The following EP400 variants were observed in gnomAD, a reference collection of about 807,000 sequenced individuals.
The protein encoded by EP400 is E1A binding protein p400.
Under a neutral mutation model 354.1 loss-of-function variants are expected in EP400, and 105 were observed. That is an observed-to-expected ratio of 0.30 (90% CI 0.25 to 0.35). The LOEUF (loss-of-function observed/expected upper bound fraction) is 0.35. Ranked by LOEUF, EP400 falls within the 10% of genes least tolerant of loss-of-function variation. The pLI is 1.00. For synonymous variants in EP400, 1,646 were observed against 1,716.9 expected (o/e 0.96, Z 1.02); for missense variants, 3,280 against 4,121.0 (o/e 0.80, Z 5.59).
chr12:131,984,848 G>A (rs533494229), intron 5 of EP400, among the ~76,000 whole-genome samples: 12 of 150,620 alleles, frequency 8.0e-5, no homozygotes, highest in Non-Finnish European at 1.3e-4. Flanking sequence ...ACAGGCATGC[G>A]CCACCACGCC....
rs529265285 is a variant in EP400, at chr12:132,070,982, G to T, written c.9021+1341G>T. Among the ~76,000 whole-genome samples the T allele has an allele frequency of 6.6e-6, 1 of 152,250 alleles. No homozygotes were observed. Among genetic ancestry groups the T allele is most frequent in the African/African-American group, 2.4e-5 (1 of 41,526 alleles). On this transcript the variant is annotated intron_variant, in intron 51 of 52. Coordinates refer to ENST00000389561, the MANE Select transcript of EP400 (RefSeq NM_015409.5). The surrounding 1 kb of genome is among the most constrained non-coding windows in gnomAD (Gnocchi z 4.1). Reference sequence around the variant, plus strand: ...TGTTGCATTTCCTTCGTATACAGTTGTATCACCTGTAAATCATGACGATCT... The same window carrying T: ...TGTTGCATTTCCTTCGTATACAGTTTTATCACCTGTAAATCATGACGATCT...
intron 2 of EP400, among the ~76,000 whole-genome samples, chr12:131,977,670 C>G (rs910660515): frequency 6.6e-6 from 1 of 152,102 alleles, no homozygotes; most frequent in Admixed American, 6.6e-5. Context: ...TCAAAACATT[C>G]TTTCCTTTCT....
chr12:132,073,910 T>G (rs1280861247), intron 51 of EP400, among the ~76,000 whole-genome samples: 2 of 148,222 alleles, frequency 1.3e-5, no homozygotes, highest in East Asian at 3.9e-4. Flanking sequence ...ATTGGCATTG[T>G]TTTTTGGGGT....
intron 30 of EP400, among the ~76,000 whole-genome samples, chr12:132,033,850 A>T (rs1036434147): frequency 6.6e-6 from 1 of 152,224 alleles, no homozygotes; most frequent in Admixed American, 6.5e-5. Context: ...GTTTTTTAAC[A>T]AGATGGTTGG....
At position 131,990,700 on chromosome 12, in the gene EP400, A is replaced by G; in HGVS notation, c.2615A>G (p.Lys872Arg). The G allele has an allele frequency of 6.2e-7, 1 of 1,611,786 alleles. No individual in the cohort carries two copies. The highest frequency in any genetic ancestry group is 8.5e-7 in the Non-Finnish European group (1 of 1,178,732). ...EKRKKALNLQ[K>R]VSRRGKELRP... is the part of the protein sequence containing the mutation. Reference sequence around the variant, plus strand: ...AGGAAGAAGGCCTTAAATTTACAGAAAGTTTCCAGGAGAGGTAGGACCCTT... The same window carrying G: ...AGGAAGAAGGCCTTAAATTTACAGAGAGTTTCCAGGAGAGGTAGGACCCTT... Residue 872 changes from lysine (K) to arginine (R), a missense_variant, in exon 9 of 53, where the codon AAA becomes AGA. Lys to Arg is a conservative substitution (Grantham distance 26). Coordinates refer to ENST00000389561, the MANE Select transcript of EP400 (RefSeq NM_015409.5). The surrounding 1 kb of genome is among the most constrained non-coding windows in gnomAD (Gnocchi z 4.2).
rs58724167 is a variant in EP400, at chr12:132,073,459, C to CTTTTTTTTTTTTTTTTTTTTTTTTT, written c.9022-3043_9022-3042insTTTTTTTTTTTTTTTTTTTTTTTTT. ...GTGCGTTTTAATTCTGTCCCTTTTC[C>CTTTTTTTTTTTTTTTTTTTTTTTTT]TTTTTTTTTTTTTTGACACAGTCTT... On this transcript the variant is annotated intron_variant, in intron 51 of 52. Coordinates refer to ENST00000389561, the MANE Select transcript of EP400 (RefSeq NM_015409.5). Among the ~76,000 whole-genome samples, 276 of 117,654 alleles carry CTTTTTTTTTTTTTTTTTTTTTTTTT rather than the reference C, an allele frequency of 2.3e-3. 36 individuals are homozygous for CTTTTTTTTTTTTTTTTTTTTTTTTT. Among genetic ancestry groups the CTTTTTTTTTTTTTTTTTTTTTTTTT allele is most frequent in the African/African-American group, 8.1e-3 (184 of 22,626 alleles). 77.2% of individuals were successfully genotyped at this position (117,654 alleles called of 152,430 possible).
At position 132,062,186 on chromosome 12, in the gene EP400, C is replaced by T. The variant is rs139495129; in HGVS notation, c.7961C>T (p.Ala2654Val). 5.2e-4 allele frequency: 842 copies of T among 1,614,078 alleles called. 5 individuals carry two copies. The African/African-American group carries it at 9.8e-3, about 19-fold the overall frequency. Residue 2654 changes from alanine to valine, a missense_variant, in exon 46 of 53, where the codon GCG becomes GTG. Physicochemically the swap from Ala to Val is moderately conservative, Grantham distance 64. Transcript: ENST00000389561. ...PPRAVGSPATATPDLVSMATT... is the reference protein window; with the variant it reads ...PPRAVGSPATVTPDLVSMATT... ...CGGGCAGTCGGCTCCCCAGCCACGG[C>T]GACCCCTGACCTGGTGTCCATGGCA...
At chr12:131,973,145 T>C (rs1892356322) in intron 2 of EP400, among the ~76,000 whole-genome samples, 1 of 152,254 alleles carries the variant, frequency 6.6e-6, no homozygotes, top group African/African-American at 2.4e-5. Context: ...AATAATTCTG[T>C]TTTTAACTGC....
chr12:132,057,359 C>G (rs1161683331), intron 45 of EP400, among the ~76,000 whole-genome samples: 3 of 152,246 alleles, frequency 2.0e-5, no homozygotes, highest in African/African-American at 4.8e-5. Flanking sequence ...AGACATACAT[C>G]TCCATGGAGG....
rs1258671112 is a variant in EP400 at position 132,017,820 on chromosome 12, T to G, written c.4110+99T>G. 12 of 1,284,706 alleles carry G rather than the reference T, an allele frequency of 9.3e-6. No individual in the cohort carries two copies. Among genetic ancestry groups the G allele is most frequent in the African/African-American group, 3.0e-5 (2 of 65,736 alleles). 79.6% of individuals were successfully genotyped at this position (1,284,706 alleles called of 1,614,324 possible). A position where few individuals can be genotyped will look rare whatever the true frequency, so the allele number is the denominator to read the frequency against. On this transcript the variant is annotated intron_variant, in intron 20 of 52. Coordinates refer to ENST00000389561, the MANE Select transcript of EP400 (RefSeq NM_015409.5). The surrounding 1 kb of genome is among the most constrained non-coding windows in gnomAD (Gnocchi z 5.0). ...TGGAAATGGGTTCTCAACCAGCTCT[T>G]CTGCAATTGCAATTGCAGCTCCGCG...
Position 132,064,565 on chromosome 12 carries a change from T to C in EP400, c.8335-103T>C, listed in dbSNP as rs766613880. Reference sequence around the variant, plus strand: ...GCTGCACGGTAGCAGGTGTCTGCTTTGGTATTTAATGGGCAGTAGAGGGGT... The same window carrying C: ...GCTGCACGGTAGCAGGTGTCTGCTTCGGTATTTAATGGGCAGTAGAGGGGT... On this transcript the variant is annotated intron_variant, in intron 47 of 52. Transcript: ENST00000389561. 4.8e-6 allele frequency: 7 copies of C among 1,457,000 alleles called. No individual in the cohort carries two copies. In the Admixed American group the frequency reaches 1.5e-4, roughly 32 times the overall value. 90.3% of individuals were successfully genotyped at this position (1,457,000 alleles called of 1,614,324 possible). A position where few individuals can be genotyped will look rare whatever the true frequency, so the allele number is the denominator to read the frequency against.
In EP400 at chr12:132,021,202, C is replaced by T; in HGVS notation, c.4571C>T (p.Ala1524Val). The T allele has an allele frequency of 1.3e-6, 2 of 1,599,536 alleles. No individual in the cohort carries two copies. The highest frequency in any genetic ancestry group is 1.7e-6 in the Non-Finnish European group (2 of 1,179,176). ...GCGAAACTGCGGGCCCAGACCACAG[C>T]ACAGGCCTCCACCCCAGGCCAGCCC... is the stretch of plus-strand genomic sequence containing the variant. ...HPAKLRAQTT[A>V]QASTPGQPPP... Residue 1524 changes from alanine to valine, a missense_variant, in exon 23 of 53, where the codon GCA (alanine) becomes GTA (valine). Ala to Val is a moderately conservative substitution (Grantham distance 64). Coordinates refer to ENST00000389561, the MANE Select transcript of EP400 (RefSeq NM_015409.5).
Position 132,029,735 on chromosome 12 carries a change from C to A in EP400, c.5416C>A (p.Pro1806Thr). ...AFVIPPVVAA[P>T]PSLRVPRPPP... ...TGTGATTCCTCCGGTGGTGGCAGCACCCCCGTCCCTACGGGTGCCGCGGCC... is the reference window on the plus strand; with the variant it reads ...TGTGATTCCTCCGGTGGTGGCAGCAACCCCGTCCCTACGGGTGCCGCGGCC... Residue 1806 changes from proline (P) to threonine (T), a missense_variant, in exon 28 of 53, where the codon CCC becomes ACC. Physicochemically the swap from Pro to Thr is conservative, Grantham distance 38 (BLOSUM62 -1). Around this residue, in one of 20 missense-constraint regions of EP400, gnomAD observed 459 missense variants for 496.9 expected, o/e 0.92. Coordinates refer to ENST00000389561, the MANE Select transcript of EP400 (RefSeq NM_015409.5). This position sits in a 1 kb window ranked among gnomAD's most constrained non-coding sequence, Gnocchi z 4.7. 1 of 1,613,246 alleles carries A rather than the reference C, an allele frequency of 6.2e-7. No homozygotes were observed. The highest frequency in any genetic ancestry group is 8.5e-7 in the Non-Finnish European group (1 of 1,180,036).
Position 131,982,292 on chromosome 12 carries a change from G to A in EP400, c.1743G>A (p.Pro581=), listed in dbSNP as rs914598377. ...LSSALQFAQQ[P]QVVEAQTQLQ... is the part of the protein sequence containing the mutation. ...CTGCGCTGCAGTTTGCACAGCAGCC[G>A]CAAGTGGTAGAGGCCCAGACACAGC... is the stretch of plus-strand genomic sequence containing the variant. The change falls in exon 5 of 53, where the codon CCG becomes CCA. Residue 581 remains proline, a synonymous_variant. Transcript: ENST00000389561. The A allele has an allele frequency of 1.1e-5, 18 of 1,614,176 alleles. No individual in the cohort carries two copies. Among genetic ancestry groups the A allele is most frequent in the East Asian group, 1.1e-4 (5 of 44,860 alleles).
At chr12:131,992,552 C>T (rs1046725883) in intron 11 of EP400, among the ~76,000 whole-genome samples, 1 of 152,174 alleles carries the variant, frequency 6.6e-6, no homozygotes, top group African/African-American at 2.4e-5. Context: ...GGTATGTCCT[C>T]TGGTAGACCC....
In EP400 at chr12:132,079,912, A is replaced by G. The variant is rs1295394630; in HGVS notation, c.*2239A>G. ...TCGTGTACGTAAAAACTCTCCTTTT[A>G]GTGTGTTATTTTCTTGGCCTTCCCT... On this transcript the variant is annotated 3_prime_UTR_variant, in exon 53 of 53. Transcript: ENST00000389561. The G allele has an allele frequency of 1.3e-5, 2 of 152,182 alleles. No individual in the cohort carries two copies. Among genetic ancestry groups the G allele is most frequent in the African/African-American group, 2.4e-5 (1 of 41,440 alleles). 9.4% of individuals were successfully genotyped at this position (152,182 alleles called of 1,614,324 possible).
intron 45 of EP400, among the ~76,000 whole-genome samples, chr12:132,060,150 T>C (rs1021356308): frequency 5.3e-5 from 8 of 152,216 alleles, no homozygotes; most frequent in African/African-American, 1.7e-4. Flanking sequence ...TTACCAAAAC[T>C]GGGGGAAACA....
At position 131,986,550 on chromosome 12, in the gene EP400, C is replaced by G; in HGVS notation, c.1966C>G (p.Pro656Ala). ...ASTRLPVDPA[P>A]PCPRPLPTSS... ...GACAAGGCTCCCTGTGGACCCTGCCCCGCCCTGCCCACGGCCTCTGCCCAC... is the reference window on the plus strand; with the variant it reads ...GACAAGGCTCCCTGTGGACCCTGCCGCGCCCTGCCCACGGCCTCTGCCCAC... The change falls in exon 6 of 53, where the codon CCG (proline) becomes GCG (alanine). Residue 656 changes from proline (P) to alanine (A), a missense_variant. Transcript: ENST00000389561. 1 of 1,612,754 alleles carries G rather than the reference C, an allele frequency of 6.2e-7. No individual in the cohort carries two copies. Among genetic ancestry groups the G allele is most frequent in the African/African-American group, 1.3e-5 (1 of 75,048 alleles).
rs531262796 is a variant in EP400, at chr12:132,069,244, G to A, written c.8875-251G>A. 6.3e-6 allele frequency: 3 copies of A among 478,050 alleles called. No individual in the cohort carries two copies. In the South Asian group the frequency reaches 1.1e-4, roughly 18 times the overall value. The allele number at this position is 478,050 out of a possible 1,614,324, so 29.6% of individuals were successfully genotyped here. ...TATTCAGGGAGCAGTGTCCCGGGTG[G>A]GGTGGGCTGCAGGCAACGGCCAGGC... is the stretch of plus-strand genomic sequence containing the variant. On this transcript the variant is annotated intron_variant, in intron 50 of 52. Transcript: ENST00000389561.
Sources: allele counts gnomAD v4.1 joint callset (sites outside exome capture counted in the v4.1 genomes callset), GRCh38; gene constraint gnomAD v4.1.1; regional missense constraint gnomAD v4.1.1; non-coding constraint Gnocchi (gnomAD v3.1); transcripts MANE v1.5; gene names NCBI Gene and HGNC (gene_info 2026-07-23, HGNC 2026-07-21).